Variants in CHCHD6 observed in about 807,000 individuals in gnomAD.
CHCHD6 encodes the protein MICOS complex subunit MIC25.
A neutral mutation model predicts 32.3 loss-of-function variants in CHCHD6; 28 were observed. That is an observed-to-expected ratio of 0.87 (90% CI 0.64 to 1.19). CHCHD6 has a LOEUF of 1.19. CHCHD6 is among the 50% of genes most tolerant of loss of function. The probability of loss-of-function intolerance (pLI) is 0.00; values close to 1 mark genes in which losing one functional copy is unlikely to be tolerated. For missense variants in CHCHD6, 333 were observed against 307.0 expected (o/e 1.08, Z -0.63); for synonymous variants, 122 against 117.5 (o/e 1.04, Z -0.25).
intron 4 of CHCHD6, among the ~76,000 whole-genome samples, chr3:126,795,320 C>T (rs541380556): frequency 6.6e-6 from 1 of 152,304 alleles, no homozygotes; most frequent in South Asian, 2.1e-4. Context: ...TTAGTAATTT[C>T]CATCATGCTG....
intron 4 of CHCHD6, among the ~76,000 whole-genome samples, chr3:126,838,680 G>T (rs982636296): frequency 6.6e-6 from 1 of 152,200 alleles, no homozygotes; most frequent in Admixed American, 6.5e-5. Flanking sequence ...CCCAAGCATT[G>T]AGAACACCTA....
chr3:126,806,928 C>G (rs1251849988), intron 4 of CHCHD6, among the ~76,000 whole-genome samples: 2 of 151,384 alleles, frequency 1.3e-5, no homozygotes, highest in Non-Finnish European at 2.9e-5. Flanking sequence ...AATCATCATT[C>G]TCAGTAAGCT....
intron 4 of CHCHD6, among the ~76,000 whole-genome samples, chr3:126,787,690 T>G (rs1233489881): frequency 7.9e-5 from 12 of 152,234 alleles, no homozygotes; most frequent in East Asian, 1.9e-4. Context: ...CCTGAGACTT[T>G]GCTGAAGTTG....
intron 5 of CHCHD6, among the ~76,000 whole-genome samples, chr3:126,886,099 G>C (rs1191885185): frequency 6.6e-6 from 1 of 152,218 alleles, no homozygotes; most frequent in Non-Finnish European, 1.5e-5. Flanking sequence ...TTCAGTAAAA[G>C]ACTGCTGTAT....
intron 4 of CHCHD6, among the ~76,000 whole-genome samples, chr3:126,821,208 T>C (rs1312713090): frequency 6.6e-6 from 1 of 152,234 alleles, no homozygotes; most frequent in Non-Finnish European, 1.5e-5. Context: ...TAGACCACAT[T>C]TTATTTTTTC....
At chr3:126,733,290 C>T (rs6800807) in intron 4 of CHCHD6, 68 bp downstream of exon 4, 290,218 of 1,469,108 alleles carry the variant, frequency 0.2, 30,808 homozygotes, top group South Asian at 0.35. Context: ...GGGGGCGGGC[C>T]CTGGCACCTG....
At chr3:126,737,321 A>T (rs1380651808) in intron 4 of CHCHD6, among the ~76,000 whole-genome samples, 1 of 151,406 alleles carries the variant, frequency 6.6e-6, no homozygotes, top group Non-Finnish European at 1.5e-5. Context: ...TCCATCTAAA[A>T]ACCCAAGAAA....
intron 5 of CHCHD6, among the ~76,000 whole-genome samples, chr3:126,859,434 A>C (rs1941777859): frequency 6.6e-6 from 1 of 152,228 alleles, no homozygotes; most frequent in Non-Finnish European, 1.5e-5. Flanking sequence ...TAGGTGAGCC[A>C]CTACACTTGG....
intron 4 of CHCHD6, among the ~76,000 whole-genome samples, chr3:126,816,247 G>C (rs1056663752): frequency 6.6e-6 from 1 of 152,166 alleles, no homozygotes; most frequent in Non-Finnish European, 1.5e-5. Context: ...GGAATGTCAG[G>C]GGAATGATGG....
At chr3:126,733,375 T>G (rs1935900758) in intron 4 of CHCHD6, among the ~76,000 whole-genome samples, 153 bp downstream of exon 4, 1 of 152,170 alleles carries the variant, frequency 6.6e-6, no homozygotes, top group Non-Finnish European at 1.5e-5. Flanking sequence ...AAGGGTCTTT[T>G]GGGAGCCAGG....
At chr3:126,861,905 C>A (rs1408475172) in intron 5 of CHCHD6, among the ~76,000 whole-genome samples, 1 of 89,410 alleles carries the variant, frequency 1.1e-5, no homozygotes, top group African/African-American at 4.3e-5. Flanking sequence ...CCCTCCATGA[C>A]CATCACCACC....
At chr3:126,740,443 A>G (rs1473320224) in intron 4 of CHCHD6, among the ~76,000 whole-genome samples, 1 of 152,158 alleles carries the variant, frequency 6.6e-6, no homozygotes, top group Non-Finnish European at 1.5e-5. Context: ...CATAACTGAT[A>G]CCAGAGTTAG....
chr3:126,741,904 A>G (rs1936301913), intron 4 of CHCHD6, among the ~76,000 whole-genome samples: 1 of 152,162 alleles, frequency 6.6e-6, no homozygotes, highest in Admixed American at 6.5e-5. Context: ...AAAGTGTACC[A>G]GGTGATTCTG....
intron 5 of CHCHD6, among the ~76,000 whole-genome samples, chr3:126,909,829 T>C (rs552787344): frequency 6.6e-6 from 1 of 152,316 alleles, no homozygotes; most frequent in African/African-American, 2.4e-5. Flanking sequence ...AGTTTCCCAG[T>C]GTCTCTCAGT....
intron 4 of CHCHD6, among the ~76,000 whole-genome samples, chr3:126,788,683 A>AT (rs1231062085): frequency 1.3e-5 from 2 of 151,844 alleles, no homozygotes; most frequent in Admixed American, 1.3e-4. Context: ...CCCCTTTATA[A>AT]TTTTTTTATT....
At chr3:126,831,964 A>G (rs1325766089) in intron 4 of CHCHD6, among the ~76,000 whole-genome samples, 1 of 152,246 alleles carries the variant, frequency 6.6e-6, no homozygotes. Context: ...AGCAAGGGAT[A>G]AAAAGATGGG....
chr3:126,951,425 A>G (rs1411865999), intron 6 of CHCHD6, among the ~76,000 whole-genome samples: 1 of 152,234 alleles, frequency 6.6e-6, no homozygotes, highest in Non-Finnish European at 1.5e-5. Flanking sequence ...GATGGAAGGA[A>G]AAGTTGCAAA....
chr3:126,705,137 T>C (rs1934417823), intron 1 of CHCHD6, among the ~76,000 whole-genome samples: 1 of 152,220 alleles, frequency 6.6e-6, no homozygotes, highest in Non-Finnish European at 1.5e-5. Flanking sequence ...CCGCTGTTTC[T>C]TGTAATTCTT....
At chr3:126,883,678 C>T (rs1303311397) in intron 5 of CHCHD6, among the ~76,000 whole-genome samples, 1 of 152,226 alleles carries the variant, frequency 6.6e-6, no homozygotes, top group Non-Finnish European at 1.5e-5. Flanking sequence ...ACTCTGGGCC[C>T]CTGCTGCCTT....
Sources: allele counts gnomAD v4.1 joint callset (sites outside exome capture counted in the v4.1 genomes callset), GRCh38; gene constraint gnomAD v4.1.1; transcripts MANE v1.5; gene names NCBI Gene and HGNC (gene_info 2026-07-23, HGNC 2026-07-21).